Variants in ZBTB40 observed in about 807,000 individuals in gnomAD.
ZBTB40 encodes zinc finger and BTB domain-containing protein 40.
In ZBTB40, 60 loss-of-function variants were observed where a neutral mutation model predicts 117.5. The observed-to-expected ratio is 0.51, with a 90% confidence interval of 0.41 to 0.63. The LOEUF (loss-of-function observed/expected upper bound fraction) is 0.63, where lower values mean the gene tolerates loss of function less well. Ranked by LOEUF, ZBTB40 falls within the 30% of genes least tolerant of loss-of-function variation. ZBTB40 has a pLI of 0.00. For synonymous variants in ZBTB40, 525 were observed against 577.1 expected (o/e 0.91, Z 1.29); for missense variants, 1,287 against 1,498.5 (o/e 0.86, Z 2.33).
At chr1:22,431,382 G>A (rs867263173) in intron 1 of ZBTB40, among the ~76,000 whole-genome samples, 526 of 15,286 alleles carry the variant, frequency 0.034, 9 homozygotes, top group African/African-American at 0.051. Flanking sequence ...GTGTGTGTGT[G>A]TGTATATATA....
chr1:22,511,093 C>CTTTTTTTTTT (rs34404742), intron 9 of ZBTB40, 86 bp from the exon 10 acceptor site: 1 of 1,342,552 alleles, frequency 7.4e-7, no homozygotes. Context: ...CTGGGATTAG[C>CTTTTTTTTTT]TTTTTTTTTT....
chr1:22,445,229 G>A (rs1640774107), intron 1 of ZBTB40, among the ~76,000 whole-genome samples: 1 of 152,098 alleles, frequency 6.6e-6, no homozygotes, highest in South Asian at 2.1e-4. Context: ...TTGATTTACA[G>A]GTTTTACCAA....
chr1:22,480,461 C>T (rs947485601), intron 1 of ZBTB40, among the ~76,000 whole-genome samples: 1 of 152,114 alleles, frequency 6.6e-6, no homozygotes, highest in African/African-American at 2.4e-5. Context: ...CCAGGTCTTC[C>T]TCATGTGGTT....
chr1:22,526,181 C>T, intron 17 of ZBTB40, 21 bp from the exon 18 acceptor site: 1 of 1,614,018 alleles, frequency 6.2e-7, no homozygotes, highest in South Asian at 1.1e-5. Context: ...CCAGAGCAGC[C>T]TCACGGTCTT....
intron 5 of ZBTB40, among the ~76,000 whole-genome samples, chr1:22,504,711 TA>T (rs1361305548): frequency 6.6e-6 from 1 of 152,246 alleles, no homozygotes; most frequent in African/African-American, 2.4e-5. Context: ...CAAGAGTTGG[TA>T]TTATCTTCTT....
Position 22,520,153 on chromosome 1 carries a change from G to A in ZBTB40, c.2926G>A (p.Glu976Lys). Residue 976 changes from glutamate to lysine, a missense_variant, in exon 14 of 18, where the codon GAG becomes AAG. Coordinates refer to ENST00000375647, the MANE Select transcript of ZBTB40 (RefSeq NM_014870.4). ...RKHIHEVHSKEYHPCPTCGKI... is the reference protein window; with the variant it reads ...RKHIHEVHSKKYHPCPTCGKI... ...GCACATCCATGAGGTGCACTCCAAA[G>A]AGTACCACCCCTGCCCCACGTGTGG... is the stretch of plus-strand genomic sequence containing the variant. The A allele has an allele frequency of 6.2e-7, 1 of 1,614,202 alleles. No homozygotes were observed. The highest frequency in any genetic ancestry group is 8.5e-7 in the Non-Finnish European group (1 of 1,180,036).
At chr1:22,507,634 T>C (rs1639105801) in intron 6 of ZBTB40, among the ~76,000 whole-genome samples, 1 of 152,166 alleles carries the variant, frequency 6.6e-6, no homozygotes, top group Admixed American at 6.5e-5. Context: ...TGATTCGTGC[T>C]CGTCTTTAGG....
At chr1:22,432,829 C>T (rs1640615401) in intron 1 of ZBTB40, among the ~76,000 whole-genome samples, 2 of 152,238 alleles carry the variant, frequency 1.3e-5, no homozygotes, top group Admixed American at 6.5e-5. Flanking sequence ...TGACAAATTA[C>T]TTCCAGTAGG....
chr1:22,516,554 T>G (rs180852182), intron 12 of ZBTB40, among the ~76,000 whole-genome samples: 45 of 152,268 alleles, frequency 3.0e-4, no homozygotes, highest in African/African-American at 1.0e-3. Flanking sequence ...ACCCTTTTTT[T>G]CCTAACAGAG....
intron 2 of ZBTB40, 152 bp from the exon 3 acceptor site, chr1:22,491,248 G>C (rs1473592504): frequency 7.8e-6 from 6 of 770,710 alleles, no homozygotes; most frequent in Non-Finnish European, 1.1e-5. Context: ...GAAGCTGTGA[G>C]AGATACTGTT....
At chr1:22,470,815 C>T (rs1248847227) in intron 1 of ZBTB40, among the ~76,000 whole-genome samples, 1 of 152,158 alleles carries the variant, frequency 6.6e-6, no homozygotes, top group African/African-American at 2.4e-5. Flanking sequence ...CTCCACCTGC[C>T]GGGTTGTGGG....
At position 22,490,292 on chromosome 1, in the gene ZBTB40, G is replaced by T. The variant is rs766054017; in HGVS notation, c.344G>T (p.Ser115Ile). Residue 115 changes from serine (S) to isoleucine (I), a missense_variant, in exon 2 of 18, where the codon AGC (serine) becomes ATC (isoleucine). Ser to Ile is a moderately radical substitution (Grantham distance 142). This residue lies in a region of ZBTB40 where 870 missense variants were observed against 934.4 expected (regional missense o/e 0.93). Transcript: ENST00000375647. ...GTTAGCTGCAAAAATCTTCTGACCA[G>T]CCTTGTAAACTGCTCGGTTCAGGGT... ...VAVSCKNLLT[S>I]LVNCSVQGQV... The T allele has an allele frequency of 1.2e-6, 2 of 1,614,168 alleles. No individual in the cohort carries two copies. Among genetic ancestry groups the T allele is most frequent in the East Asian group, 2.2e-5 (1 of 44,886 alleles).
intron 1 of ZBTB40, among the ~76,000 whole-genome samples, chr1:22,465,785 C>T (rs115264205): frequency 0.021 from 3,193 of 152,170 alleles, 79 homozygotes; most frequent in East Asian, 0.14. Context: ...CCATGGGGGG[C>T]AGGGCTTCTG....
chr1:22,457,124 AT>A (rs11361503), intron 1 of ZBTB40, among the ~76,000 whole-genome samples: 143,961 of 149,690 alleles, frequency 0.96, 69,292 homozygotes, highest in East Asian at 1. Context: ...CCCTGTCTCT[AT>A]TTTTTTTTTT....
chr1:22,444,854 T>G (rs2124369651), intron 1 of ZBTB40, among the ~76,000 whole-genome samples: 1 of 152,348 alleles, frequency 6.6e-6, no homozygotes. Context: ...CCAAGTATAC[T>G]TTACTTCCTT....
At chr1:22,448,820 A>T (rs1042206486), upstream of ZBTB40, among the ~76,000 whole-genome samples, 3 of 144,420 alleles carry the variant, frequency 2.1e-5, no homozygotes, top group Admixed American at 6.9e-5. Flanking sequence ...TTCTTTTTAA[A>T]TTTTTTTTTT....
chr1:22,493,798 T>G (rs573263600), intron 3 of ZBTB40, among the ~76,000 whole-genome samples: 3 of 152,004 alleles, frequency 2.0e-5, no homozygotes, highest in Admixed American at 6.6e-5. Flanking sequence ...ACCCATGTTT[T>G]TTTTTTTTTT....
At chr1:22,466,427 G>A (rs1569786510) in intron 1 of ZBTB40, among the ~76,000 whole-genome samples, 1 of 152,148 alleles carries the variant, frequency 6.6e-6, no homozygotes, top group South Asian at 2.1e-4. Flanking sequence ...GTCATATGGT[G>A]TCTCTGTGCT....
Position 22,443,604 on chromosome 1 carries a change from C to T in ZBTB40, c.-70+14590C>T, listed in dbSNP as rs184410261. Among the ~76,000 whole-genome samples the T allele has an allele frequency of 8.9e-3, 1,356 of 152,300 alleles. 10 individuals carry two copies. The highest frequency in any genetic ancestry group is 0.031 in the African/African-American group (1,285 of 41,564). On this transcript the variant is annotated intron_variant, in intron 1 of 8. Coordinates refer to the ZBTB40 transcript ENST00000650433. ...AGAATAGATGGTAAATGTCTCTTTT[C>T]GGATCTTAAAAGGTGTCAGACTCTT... is the stretch of plus-strand genomic sequence containing the variant.
Sources: allele counts gnomAD v4.1 joint callset (sites outside exome capture counted in the v4.1 genomes callset), GRCh38; gene constraint gnomAD v4.1.1; regional missense constraint gnomAD v4.1.1; transcripts MANE v1.5; gene names NCBI Gene and HGNC (gene_info 2026-07-23, HGNC 2026-07-21).